The following ZNF727 variants were observed in gnomAD, a reference collection of about 807,000 sequenced individuals.
The protein encoded by ZNF727 is zinc finger protein 727.
A neutral mutation model predicts 11.5 loss-of-function variants in ZNF727; 11 were observed. That is an observed-to-expected ratio of 0.95 (90% confidence interval 0.60 to 1.58). The LOEUF (loss-of-function observed/expected upper bound fraction) is 1.58. Ranked by LOEUF, ZNF727 falls within the 40% of genes most tolerant of loss-of-function variation. The pLI, the probability that ZNF727 is intolerant of heterozygous loss-of-function variation, is 0.00. For missense variants in ZNF727, 533 were observed against 581.7 expected, an observed-to-expected ratio of 0.92 and a Z score of 0.86; for synonymous variants, 171 against 196.1, an observed-to-expected ratio of 0.87 and a Z score of 1.07.
At chr7:64,047,695 A>G (rs1049207590) in intron 1 of ZNF727, among the ~76,000 whole-genome samples, 4 of 152,070 alleles carry the variant, frequency 2.6e-5, no homozygotes, top group Non-Finnish European at 5.9e-5. Flanking sequence ...TCGTGCTGAG[A>G]GCAGTTTCCT....
intron 1 of ZNF727, among the ~76,000 whole-genome samples, chr7:64,047,258 C>G (rs1789522602): frequency 6.6e-6 from 1 of 152,134 alleles, no homozygotes; most frequent in South Asian, 2.1e-4. Flanking sequence ...GCCGACTATC[C>G]CTGTCCAGAT....
At chr7:64,062,772 A>G (rs568688882) in intron 1 of ZNF727, among the ~76,000 whole-genome samples, 3 of 144,200 alleles carry the variant, frequency 2.1e-5, no homozygotes, top group African/African-American at 5.0e-5. Flanking sequence ...CTTGAAGGCC[A>G]TAACTTTTAG....
At chr7:64,045,648 C>G (rs1391538447) in intron 1 of ZNF727, 24 bp downstream of exon 1, 2 of 1,558,730 alleles carry the variant, frequency 1.3e-6, no homozygotes, top group East Asian at 2.4e-5. Flanking sequence ...GTGGGTGTCC[C>G]GAGAAGGGGG....
chr7:64,048,911 C>T (rs1177869543), intron 1 of ZNF727, among the ~76,000 whole-genome samples: 1 of 152,002 alleles, frequency 6.6e-6, no homozygotes, highest in East Asian at 1.9e-4. Flanking sequence ...AGATTGGTGG[C>T]CAAGCCTGCA....
intron 1 of ZNF727, among the ~76,000 whole-genome samples, chr7:64,062,685 A>AATATATATATATATATGTATATATAT (rs1789790426): frequency 1.1e-5 from 1 of 89,980 alleles, no homozygotes; most frequent in Non-Finnish European, 2.4e-5. Context: ...CTTGTACTTG[A>AATATATATATATATATGTATATATAT]ATATATATAT....
Position 64,081,536 on chromosome 7 carries a change from T to C in ZNF727, c.*2987T>C, listed in dbSNP as rs1306370827. Among the ~76,000 whole-genome samples, 3 of 152,040 alleles carry C rather than the reference T, an allele frequency of 2.0e-5. No homozygotes were observed. Among genetic ancestry groups the C allele is most frequent in the African/African-American group, 4.8e-5 (2 of 41,402 alleles). Reference sequence around the variant, plus strand: ...GAAGCTGGAGTATAGGGAAGAAACATGTGAGCTGGTGCAGTCACAGGGGCT... The same window carrying C: ...GAAGCTGGAGTATAGGGAAGAAACACGTGAGCTGGTGCAGTCACAGGGGCT... On this transcript the variant is annotated 3_prime_UTR_variant, in exon 4 of 4. Coordinates refer to ENST00000456806, the MANE Select transcript of ZNF727 (RefSeq NM_001159522.3).
At chr7:64,065,293 A>G (rs1789845079) in intron 1 of ZNF727, among the ~76,000 whole-genome samples, 1 of 152,190 alleles carries the variant, frequency 6.6e-6, no homozygotes, top group South Asian at 2.1e-4. Flanking sequence ...GGGGCAGGTC[A>G]CTGCGGCCCA....
Position 64,081,668 on chromosome 7 carries a change from T to G in ZNF727, c.*3119T>G, listed in dbSNP as rs1385483027. On this transcript the variant is annotated 3_prime_UTR_variant, in exon 4 of 4. Coordinates refer to ENST00000456806, the MANE Select transcript of ZNF727 (RefSeq NM_001159522.3). ...GCCCTGTAAGCAGTTGTGGCCAGAC[T>G]GGATCCCTGGGAGAGGCCAGCAGAC... is the stretch of plus-strand genomic sequence containing the variant. Among the ~76,000 whole-genome samples, 1 of 152,138 alleles carries G rather than the reference T, an allele frequency of 6.6e-6. No homozygotes were observed. The highest frequency in any genetic ancestry group is 1.5e-5 in the Non-Finnish European group (1 of 68,036).
intron 1 of ZNF727, among the ~76,000 whole-genome samples, chr7:64,051,300 T>C (rs1398288160): frequency 6.6e-6 from 1 of 152,130 alleles, no homozygotes; most frequent in Non-Finnish European, 1.5e-5. Context: ...CAAAAAAAAT[T>C]GTAGCTCTGG....
chr7:64,053,991 G>T (rs1789643479), intron 1 of ZNF727, among the ~76,000 whole-genome samples: 1 of 152,178 alleles, frequency 6.6e-6, no homozygotes, highest in South Asian at 2.1e-4. Context: ...GGAAGCAGTA[G>T]GGGGAGAAGG....
At chr7:64,068,597 C>G (rs1328356082) in intron 1 of ZNF727, among the ~76,000 whole-genome samples, 1 of 152,114 alleles carries the variant, frequency 6.6e-6, no homozygotes, top group Non-Finnish European at 1.5e-5. Flanking sequence ...ATAGACAGCT[C>G]ATCTTGTATT....
intron 1 of ZNF727, among the ~76,000 whole-genome samples, chr7:64,053,277 G>A (rs957761678): frequency 6.6e-6 from 1 of 152,098 alleles, no homozygotes; most frequent in Non-Finnish European, 1.5e-5. Flanking sequence ...TCCTGATAGC[G>A]AATAAGTCTC....
At chr7:64,070,180 TA>T (rs1434995058) in intron 3 of ZNF727, among the ~76,000 whole-genome samples, 1 of 152,096 alleles carries the variant, frequency 6.6e-6, no homozygotes, top group Non-Finnish European at 1.5e-5. Flanking sequence ...AGCATCTCCC[TA>T]AATGAAACAA....
intron 2 of ZNF727, 52 bp from the exon 3 acceptor site, chr7:64,069,462 G>A (rs1446821754): frequency 1.0e-5 from 14 of 1,373,366 alleles, no homozygotes; most frequent in African/African-American, 8.6e-5. Context: ...GTACTAGATT[G>A]GTAATCAGAT....
chr7:64,084,884 AT>A lies in ZNF727; in HGVS notation c.*6339del, dbSNP rs1785850087. Among the ~76,000 whole-genome samples, 1 of 152,196 alleles carries A rather than the reference AT, an allele frequency of 6.6e-6. No individual in the cohort carries two copies. Among genetic ancestry groups the A allele is most frequent in the Non-Finnish European group, 1.5e-5 (1 of 68,016 alleles). The stretch of plus-strand genomic sequence containing the variant: ...GAAAAATATTAGAGTGAAACAGATA[AT>A]TTTACATGTGTTGATATCTTGCCAG... On this transcript the variant is annotated 3_prime_UTR_variant, in exon 4 of 4. Transcript: ENST00000456806.
chr7:64,079,292 C>T lies in ZNF727; in HGVS notation c.*743C>T, dbSNP rs1785746603. ...TAACAATTCGTCATATTGTGTTCAA[C>T]ATCAGAGACTTACTACTGAACAAAT... On this transcript the variant is annotated 3_prime_UTR_variant, in exon 4 of 4. Transcript: ENST00000456806. Among the ~76,000 whole-genome samples the T allele has an allele frequency of 6.6e-6, 1 of 152,176 alleles. No homozygotes were observed. Among genetic ancestry groups the T allele is most frequent in the South Asian group, 2.1e-4 (1 of 4,830 alleles).
At chr7:64,047,312 G>T (rs1042652839) in intron 1 of ZNF727, among the ~76,000 whole-genome samples, 5 of 152,316 alleles carry the variant, frequency 3.3e-5, no homozygotes, top group African/African-American at 9.6e-5. Flanking sequence ...CAAAACGGAC[G>T]TGGCATTTTA....
chr7:64,076,696 A>T (rs1207699051), intron 3 of ZNF727, among the ~76,000 whole-genome samples: 1 of 152,142 alleles, frequency 6.6e-6, no homozygotes, highest in Non-Finnish European at 1.5e-5. Context: ...TGTTGAGTAG[A>T]GAGTTCTAGA....
Position 64,069,609 on chromosome 7 carries a change from G to C in ZNF727, c.226G>C (p.Ala76Pro). The change falls in exon 3 of 4, where the codon GCT becomes CCT. Residue 76 changes from alanine to proline, a missense_variant and splice_region_variant. This residue lies in a region of ZNF727 where 463 missense variants were observed against 494.5 expected (regional missense o/e 0.94). Coordinates refer to ENST00000456806, the MANE Select transcript of ZNF727 (RefSeq NM_001159522.3). ...ACAGAAGACAGTAGCCAAACACCCA[G>C]GTAGGTGGGAGTGAGTGAAGCAAAT... Reference protein sequence around the residue: ...RRQKTVAKHPAGSLHFTAEIL... With the variant: ...RRQKTVAKHPPGSLHFTAEIL... The C allele has an allele frequency of 6.4e-7, 1 of 1,558,472 alleles. No individual in the cohort carries two copies. The highest frequency in any genetic ancestry group is 8.7e-7 in the Non-Finnish European group (1 of 1,149,666).
Sources: gnomAD v4.1 joint callset for allele counts (sites outside exome capture counted in the v4.1 genomes callset) on GRCh38, gnomAD v4.1.1 for gene constraint, gnomAD v4.1.1 regional missense constraint, MANE v1.5 for transcripts, NCBI Gene and HGNC (gene_info 2026-07-23, HGNC 2026-07-21) for gene names.